Variants in SNRNP48 observed in about 807,000 individuals in gnomAD.
The protein encoded by SNRNP48 is U11/U12 small nuclear ribonucleoprotein 48 kDa protein.
A neutral mutation model predicts 47.0 loss-of-function variants in SNRNP48; 43 were observed. The ratio of observed to expected loss-of-function variants is 0.92; its 90% CI spans 0.72 to 1.18. The LOEUF (loss-of-function observed/expected upper bound fraction) is 1.18. SNRNP48 is among the 50% of genes most tolerant of loss of function. The pLI is 0.00. For missense variants in SNRNP48, 396 were observed against 422.2 expected, an observed-to-expected ratio of 0.94 and a Z score of 0.54; for synonymous variants, 138 against 144.0, an observed-to-expected ratio of 0.96 and a Z score of 0.30.
chr6:7,607,483 T>A (rs1479291533), intron 8 of SNRNP48, among the ~76,000 whole-genome samples: 1 of 152,242 alleles, frequency 6.6e-6, no homozygotes, highest in African/African-American at 2.4e-5. Context: ...TCATCCACAC[T>A]GTGCCACATC....
At chr6:7,606,281 A>G in intron 8 of SNRNP48, 86 bp downstream of exon 8, 1 of 1,320,784 alleles carries the variant, frequency 7.6e-7, no homozygotes, top group Non-Finnish European at 1.0e-6. Flanking sequence ...CATGCTGAGA[A>G]AATAGATTTT....
At chr6:7,597,222 A>G (rs1759919101) in intron 4 of SNRNP48, among the ~76,000 whole-genome samples, 1 of 152,202 alleles carries the variant, frequency 6.6e-6, no homozygotes, top group South Asian at 2.1e-4. Context: ...CTAAGTTCTG[A>G]ATTTTGACAC....
chr6:7,601,484 C>T lies in SNRNP48; in HGVS notation c.555C>T (p.Asp185=), dbSNP rs772407605. ...CTGATTCTCAAATTATTGAAAATGACAGCGATCTCTTTGTAGACTTGGCTG... is the reference window on the plus strand; with the variant it reads ...CTGATTCTCAAATTATTGAAAATGATAGCGATCTCTTTGTAGACTTGGCTG... The part of the protein sequence containing the change: ...KRSDSQIIEN[D]SDLFVDLAAK... The change falls in exon 5 of 9, where the codon GAC becomes GAT. Residue 185 remains aspartate, a synonymous_variant. Transcript: ENST00000342415. The T allele has an allele frequency of 6.3e-7, 1 of 1,596,212 alleles. No homozygotes were observed. The highest frequency in any genetic ancestry group is 1.1e-5 in the South Asian group (1 of 87,020).
intron 4 of SNRNP48, chr6:7,599,956 G>T: frequency 1.0e-6 from 1 of 1,002,170 alleles, no homozygotes; most frequent in Non-Finnish European, 1.2e-6. Flanking sequence ...AACAGGCAAA[G>T]GTTTATATGA....
chr6:7,598,218 C>A lies in SNRNP48; in HGVS notation c.406+3117C>A, dbSNP rs112171661. On this transcript the variant is annotated intron_variant, in intron 4 of 8. Transcript: ENST00000342415. ...CTTCTTTAAAAATTTTTTTTGGCCA[C>A]GTGTGGTGGCTCCCACTTGTAATCC... Among the ~76,000 whole-genome samples, 290 of 150,662 alleles carry A rather than the reference C, an allele frequency of 1.9e-3. 2 individuals carry two copies. The highest frequency in any genetic ancestry group is 6.4e-3 in the African/African-American group (263 of 41,184).
In SNRNP48 at chr6:7,601,535, C is replaced by T. The variant is rs1430738315; in HGVS notation, c.595+11C>T. The T allele has an allele frequency of 1.9e-6, 3 of 1,547,802 alleles. No individual in the cohort carries two copies. The highest frequency in any genetic ancestry group is 1.7e-4 in the Middle Eastern group (1 of 5,758). ...CCAAAATCAATCAAGGTTTGAGATG[C>T]ACATCATGGCTTTACATTTCTTCAT... On this transcript the variant is annotated intron_variant, in intron 5 of 8. Coordinates refer to ENST00000342415, the MANE Select transcript of SNRNP48 (RefSeq NM_152551.4).
At position 7,598,321 on chromosome 6, in the gene SNRNP48, CCT is replaced by C. The variant is rs553277670; in HGVS notation, c.407-3014_407-3013del. On this transcript the variant is annotated intron_variant, in intron 4 of 8. Coordinates refer to ENST00000342415, the MANE Select transcript of SNRNP48 (RefSeq NM_152551.4). ...ACCAGCCTGGCCAACATGGTGAAAC[CCT>C]GTCTCTACTAAAAATACAAAAATTA... is the stretch of plus-strand genomic sequence containing the variant. 1.8e-3 allele frequency among the ~76,000 whole-genome samples: 278 copies of C among 151,684 alleles called. 1 individual carries two copies. Among genetic ancestry groups the C allele is most frequent in the African/African-American group, 6.4e-3 (266 of 41,414 alleles).
In SNRNP48 at chr6:7,606,107, CAT is replaced by C; in HGVS notation, c.885_886del (p.His295GlnfsTer4). On this transcript the variant is annotated frameshift_variant, in exon 8 of 9. Transcript: ENST00000342415. LOFTEE classifies it high-confidence loss of function. ...CTATTTGGATGCTGAGTGTTCACGA[CAT>C]AGAAGGGATAGGAGTAGAAGCCCAC... ...GSYLDAECSR[H>X]RRDRSRSPHK... is the part of the protein sequence containing the mutation. 6.2e-7 allele frequency: 1 copy of C among 1,613,682 alleles called. No homozygotes were observed. Among genetic ancestry groups the C allele is most frequent in the Non-Finnish European group, 8.5e-7 (1 of 1,179,902 alleles).
At chr6:7,605,338 T>TA in intron 6 of SNRNP48, 60 bp from the exon 7 acceptor site, 1 of 1,315,538 alleles carries the variant, frequency 7.6e-7, no homozygotes. Context: ...TTTCTAGCGT[T>TA]ACAGTCTTAA....
intron 4 of SNRNP48, chr6:7,599,632 C>T (rs1004712758): frequency 8.6e-6 from 10 of 1,157,962 alleles, no homozygotes; most frequent in Non-Finnish European, 1.0e-5. Context: ...GAATTGAATG[C>T]AGTTTGTTGC....
intron 1 of SNRNP48, among the ~76,000 whole-genome samples, chr6:7,592,083 A>G (rs1216873776): frequency 6.6e-6 from 1 of 152,146 alleles, no homozygotes; most frequent in Non-Finnish European, 1.5e-5. Context: ...GCTATAGTAC[A>G]GTTTATTGTA....
intron 8 of SNRNP48, 24 bp downstream of exon 8, chr6:7,606,219 A>T: frequency 6.3e-7 from 1 of 1,579,046 alleles, no homozygotes; most frequent in Non-Finnish European, 8.6e-7. Context: ...TGCATCATCC[A>T]ACGTTGAATT....
At chr6:7,601,674 T>C in intron 5 of SNRNP48, 150 bp downstream of exon 5, 1 of 734,982 alleles carries the variant, frequency 1.4e-6, no homozygotes, top group Non-Finnish European at 2.1e-6. Context: ...CCTCTGTGTC[T>C]GTGGGTTCCA....
intron 1 of SNRNP48, among the ~76,000 whole-genome samples, chr6:7,591,375 G>C (rs1395500858): frequency 6.6e-6 from 1 of 152,262 alleles, no homozygotes; most frequent in African/African-American, 2.4e-5. Context: ...GAGAGGAAGG[G>C]AAGTGCTCCA....
At chr6:7,605,089 G>T (rs1330767134) in intron 6 of SNRNP48, among the ~76,000 whole-genome samples, 2 of 151,912 alleles carry the variant, frequency 1.3e-5, no homozygotes, top group Admixed American at 1.3e-4. Flanking sequence ...TTCTTTAAGG[G>T]TTAAATTACA....
In SNRNP48 at chr6:7,594,181, T is replaced by C. The variant is rs759237816; in HGVS notation, c.331+22T>C. 8 of 1,136,346 alleles carry C rather than the reference T, an allele frequency of 7.0e-6. No individual in the cohort carries two copies. In the African/African-American group the frequency reaches 1.3e-4, roughly 18 times the overall value. 70.4% of individuals were successfully genotyped at this position (1,136,346 alleles called of 1,614,324 possible). A position where few individuals can be genotyped will look rare whatever the true frequency, so the allele number is the denominator to read the frequency against. On this transcript the variant is annotated intron_variant, in intron 3 of 8. Coordinates refer to ENST00000342415, the MANE Select transcript of SNRNP48 (RefSeq NM_152551.4). ...TTGAGTAAGTATTAAGTTATTATAA[T>C]TTAAAAATATCTTAGTGTAGATATT...
chr6:7,602,538 A>G, intron 5 of SNRNP48, 85 bp from the exon 6 acceptor site: 1 of 1,061,818 alleles, frequency 9.4e-7, no homozygotes, highest in South Asian at 2.0e-5. Context: ...AAGTTAAAAT[A>G]TAGGATTGTG....
chr6:7,606,353 T>G (rs1760127729), intron 8 of SNRNP48, 158 bp downstream of exon 8: 1 of 761,062 alleles, frequency 1.3e-6, no homozygotes, highest in Non-Finnish European at 2.0e-6. Flanking sequence ...TCATTATAGT[T>G]CAGTTCAAAT....
At chr6:7,607,563 T>A (rs955439027) in intron 8 of SNRNP48, among the ~76,000 whole-genome samples, 1 of 152,200 alleles carries the variant, frequency 6.6e-6, no homozygotes, top group Non-Finnish European at 1.5e-5. Context: ...CTCCTCCTCA[T>A]CCTTTAAGAC....
Sources: gnomAD v4.1 joint callset for allele counts (sites outside exome capture counted in the v4.1 genomes callset) on GRCh38, gnomAD v4.1.1 for gene constraint, MANE v1.5 for transcripts, NCBI Gene and HGNC (gene_info 2026-07-23, HGNC 2026-07-21) for gene names.